The following LDLRAD4 variants were observed in gnomAD, a reference collection of about 807,000 sequenced individuals.
LDLRAD4 encodes the protein low-density lipoprotein receptor class A domain-containing protein 4.
In LDLRAD4, 5 loss-of-function variants were observed where a neutral mutation model predicts 17.0. That is an observed-to-expected ratio of 0.29 (90% CI 0.15 to 0.62). LDLRAD4 has a LOEUF of 0.62. Among genes scored for constraint, LDLRAD4 ranks in the 20% least tolerant of loss-of-function variants. LDLRAD4 has a pLI of 0.84. For missense variants in LDLRAD4, 340 were observed against 424.7 expected (o/e 0.80, Z 1.75); for synonymous variants, 168 against 171.8 (o/e 0.98, Z 0.17).
At chr18:13,297,901 A>T (rs940451917) in intron 1 of LDLRAD4, among the ~76,000 whole-genome samples, 5 of 152,258 alleles carry the variant, frequency 3.3e-5, no homozygotes, top group African/African-American at 9.6e-5. Flanking sequence ...GTGCTAAGGC[A>T]TGTGGCTGGG....
At chr18:13,570,195 G>A (rs567276768) in intron 3 of LDLRAD4, among the ~76,000 whole-genome samples, 33 of 152,244 alleles carry the variant, frequency 2.2e-4, no homozygotes, top group Non-Finnish European at 4.0e-4. Context: ...AGTCAGGCAA[G>A]GAAGAAGGAC....
chr18:13,598,518 C>G (rs2095121329), intron 3 of LDLRAD4, among the ~76,000 whole-genome samples: 1 of 152,204 alleles, frequency 6.6e-6, no homozygotes, highest in African/African-American at 2.4e-5. Flanking sequence ...TTTGATCTAG[C>G]CTTTGAGGTT....
intron 1 of LDLRAD4, among the ~76,000 whole-genome samples, chr18:13,220,469 C>G (rs2041386521): frequency 6.6e-6 from 1 of 152,172 alleles, no homozygotes. Context: ...AGACCACAAT[C>G]CTGCAGTGGA....
chr18:13,439,633 T>C (rs945129817), intron 3 of LDLRAD4, among the ~76,000 whole-genome samples: 3 of 152,228 alleles, frequency 2.0e-5, no homozygotes, highest in Admixed American at 6.5e-5. Flanking sequence ...TCATCTGGCC[T>C]GCAGGCCCCT....
At chr18:13,567,125 T>C (rs2094613891) in intron 3 of LDLRAD4, among the ~76,000 whole-genome samples, 1 of 152,224 alleles carries the variant, frequency 6.6e-6, no homozygotes, top group Admixed American at 6.5e-5. Flanking sequence ...TGGGTTGCTC[T>C]GGTTTGCCTT....
intron 1 of LDLRAD4, among the ~76,000 whole-genome samples, chr18:13,373,161 G>GTT (rs2084647861): frequency 6.6e-6 from 1 of 151,664 alleles, no homozygotes; most frequent in African/African-American, 2.4e-5. Flanking sequence ...TTTAATGTGT[G>GTT]TGTGTGTGTG....
intron 3 of LDLRAD4, among the ~76,000 whole-genome samples, chr18:13,473,678 T>TATATATATAA (rs374731826): frequency 0.019 from 1,551 of 79,834 alleles, 253 homozygotes; most frequent in East Asian, 0.022. Context: ...TATATATATA[T>TATATATATAA]AACGTTTACA....
chr18:13,603,700 C>G (rs2095190044), intron 3 of LDLRAD4, among the ~76,000 whole-genome samples: 2 of 152,238 alleles, frequency 1.3e-5, no homozygotes, highest in African/African-American at 2.4e-5. Flanking sequence ...AGGCACCCCT[C>G]CTGTGTGCTC....
intron 3 of LDLRAD4, among the ~76,000 whole-genome samples, chr18:13,451,925 CTT>C: frequency 6.6e-6 from 1 of 152,200 alleles, no homozygotes; most frequent in Non-Finnish European, 1.5e-5. Context: ...AGTACAAAAA[CTT>C]TCAGAGCCTA....
intron 1 of LDLRAD4, among the ~76,000 whole-genome samples, chr18:13,256,274 A>T (rs890072089): frequency 7.9e-5 from 12 of 152,184 alleles, no homozygotes; most frequent in African/African-American, 2.2e-4. Context: ...TCCTCCTGCC[A>T]TTTGAGGTGA....
At chr18:13,491,873 A>G (rs1319713650) in intron 3 of LDLRAD4, among the ~76,000 whole-genome samples, 1 of 152,152 alleles carries the variant, frequency 6.6e-6, no homozygotes, top group Non-Finnish European at 1.5e-5. Flanking sequence ...GCTGTCTGAT[A>G]ATGAAATTTG....
At chr18:13,593,767 C>A (rs568705200) in intron 3 of LDLRAD4, among the ~76,000 whole-genome samples, 1 of 152,192 alleles carries the variant, frequency 6.6e-6, no homozygotes, top group Non-Finnish European at 1.5e-5. Flanking sequence ...CCTTCCTACC[C>A]TCCTCCCTCT....
intron 1 of LDLRAD4, among the ~76,000 whole-genome samples, chr18:13,351,941 A>G (rs1170522869): frequency 2.0e-5 from 3 of 152,210 alleles, no homozygotes; most frequent in Non-Finnish European, 4.4e-5. Flanking sequence ...CATCCCTAGG[A>G]TGCAAGGGTG....
intron 3 of LDLRAD4, among the ~76,000 whole-genome samples, chr18:13,455,206 A>C (rs1482800429): frequency 6.6e-6 from 1 of 151,584 alleles, no homozygotes; most frequent in African/African-American, 2.4e-5. Context: ...CCCAGTGGGC[A>C]CTTAGGCAGG....
intron 1 of LDLRAD4, among the ~76,000 whole-genome samples, chr18:13,247,941 A>G (rs921068900): frequency 1.2e-4 from 16 of 138,556 alleles, no homozygotes; most frequent in Non-Finnish European, 9.2e-5. Context: ...GTCCAACTGC[A>G]CACAGCGCCG....
intron 1 of LDLRAD4, among the ~76,000 whole-genome samples, chr18:13,337,842 C>G (rs1173377345): frequency 1.3e-5 from 2 of 151,650 alleles, no homozygotes; most frequent in African/African-American, 4.9e-5. Flanking sequence ...GTCTGGGTGA[C>G]AGCACGAGGC....
At chr18:13,594,051 T>C (rs974413162) in intron 3 of LDLRAD4, among the ~76,000 whole-genome samples, 3 of 151,858 alleles carry the variant, frequency 2.0e-5, no homozygotes, top group Non-Finnish European at 2.9e-5. Context: ...CATATATTCA[T>C]ACACACACAC....
chr18:13,498,032 C>A (rs907714657), intron 3 of LDLRAD4, among the ~76,000 whole-genome samples: 1 of 131,996 alleles, frequency 7.6e-6, no homozygotes, highest in African/African-American at 2.7e-5. Context: ...GAATCCTTCT[C>A]CACACACGTC....
chr18:13,550,078 A>G (rs190644980), intron 3 of LDLRAD4, among the ~76,000 whole-genome samples: 1 of 152,336 alleles, frequency 6.6e-6, no homozygotes, highest in Non-Finnish European at 1.5e-5. Context: ...CACAGGAAGA[A>G]AGCAGACACA....
Sources: gnomAD v4.1 joint callset for allele counts (sites outside exome capture counted in the v4.1 genomes callset) on GRCh38, gnomAD v4.1.1 for gene constraint, MANE v1.5 for transcripts, NCBI Gene and HGNC (gene_info 2026-07-23, HGNC 2026-07-21) for gene names.